The following WDPCP variants were observed in gnomAD, a reference collection of about 807,000 sequenced individuals.
WDPCP encodes the protein WD repeat containing planar cell polarity effector, also known as WD repeat-containing and planar cell polarity effector protein fritz homolog.
A neutral mutation model predicts 93.1 loss-of-function variants in WDPCP; 71 were observed. The ratio of observed to expected loss-of-function variants is 0.76; its 90% CI spans 0.63 to 0.93. The LOEUF is 0.93. WDPCP is among the 40% of genes least tolerant of loss of function. The pLI, the probability that WDPCP is intolerant of heterozygous loss-of-function variation, is 0.00. For missense variants in WDPCP, 844 were observed against 887.4 expected, an observed-to-expected ratio of 0.95 and a Z score of 0.62; for synonymous variants, 315 against 315.0, an observed-to-expected ratio of 1.00 and a Z score of 0.00.
At chr2:63,624,186 T>G (rs1021205921) in intron 3 of WDPCP, among the ~76,000 whole-genome samples, 1 of 152,190 alleles carries the variant, frequency 6.6e-6, no homozygotes, top group African/African-American at 2.4e-5. Context: ...GCTAAAGTAG[T>G]GTTTAAAGGG....
chr2:63,706,199 G>A (rs193258042), intron 2 of WDPCP, among the ~76,000 whole-genome samples: 49 of 152,208 alleles, frequency 3.2e-4, no homozygotes, highest in African/African-American at 8.7e-4. Flanking sequence ...GTCTCTGCAC[G>A]TGAGATGGGT....
intron 12 of WDPCP, among the ~76,000 whole-genome samples, chr2:63,344,218 A>G (rs957663374): frequency 6.6e-6 from 1 of 152,202 alleles, no homozygotes; most frequent in Admixed American, 6.5e-5. Flanking sequence ...TTCCCAAACT[A>G]ATCTTGCAAA....
intron 2 of WDPCP, among the ~76,000 whole-genome samples, chr2:63,694,404 C>G (rs1191838454): frequency 6.6e-6 from 1 of 152,086 alleles, no homozygotes; most frequent in Non-Finnish European, 1.5e-5. Context: ...TTTTCCCCTT[C>G]TTTCTCTCCT....
intron 3 of WDPCP, chr2:63,604,633 C>T: frequency 7.6e-7 from 1 of 1,320,542 alleles, no homozygotes; most frequent in Non-Finnish European, 1.1e-6. Flanking sequence ...TTTGTCAAAA[C>T]AGGTCCCAAT....
At chr2:63,771,814 TG>T (rs1670230789) in intron 2 of WDPCP, among the ~76,000 whole-genome samples, 1 of 152,094 alleles carries the variant, frequency 6.6e-6, no homozygotes. Flanking sequence ...TTTCTTTTCC[TG>T]TATTAATTCT....
chr2:63,620,649 T>A (rs868704614), intron 3 of WDPCP, among the ~76,000 whole-genome samples: 35 of 152,226 alleles, frequency 2.3e-4, no homozygotes, highest in African/African-American at 8.0e-4. Flanking sequence ...GCAGCAGATC[T>A]CCCAACACAG....
chr2:63,344,968 T>C (rs984593879), intron 12 of WDPCP, among the ~76,000 whole-genome samples: 1 of 152,228 alleles, frequency 6.6e-6, no homozygotes, highest in African/African-American at 2.4e-5. Context: ...TCTATCTTCA[T>C]TAAGCACTCA....
intron 12 of WDPCP, among the ~76,000 whole-genome samples, chr2:63,324,656 AAG>A (rs1306272419): frequency 1.3e-5 from 2 of 152,222 alleles, no homozygotes; most frequent in Non-Finnish European, 2.9e-5. Flanking sequence ...GCTGCAGCCC[AAG>A]AGTTTGGAGA....
At chr2:63,338,559 AAAAAAAAAAAATATATATAT>A (rs1688576720) in intron 12 of WDPCP, among the ~76,000 whole-genome samples, 2 of 61,758 alleles carry the variant, frequency 3.2e-5, no homozygotes, top group Admixed American at 1.9e-4. Context: ...TCTAAAAAAA[AAAAAAAAAAAATATATATAT>A]ATATATATAT....
chr2:63,365,009 C>T (rs1355497870), intron 12 of WDPCP, among the ~76,000 whole-genome samples: 1 of 152,296 alleles, frequency 6.6e-6, no homozygotes, highest in South Asian at 2.1e-4. Context: ...TCCAAAAGAA[C>T]TGTATTTACA....
chr2:63,425,226 AG>A (rs762786353), intron 9 of WDPCP, among the ~76,000 whole-genome samples: 7 of 152,204 alleles, frequency 4.6e-5, no homozygotes, highest in Non-Finnish European at 8.8e-5. Context: ...AAAAACAAAA[AG>A]CCCCATTCAA....
intron 3 of WDPCP, among the ~76,000 whole-genome samples, chr2:63,633,593 A>G (rs1461723986): frequency 6.6e-6 from 1 of 152,178 alleles, no homozygotes; most frequent in Non-Finnish European, 1.5e-5. Flanking sequence ...TATAGTAGAC[A>G]CACAAAAGAT....
chr2:63,705,513 G>A (rs1669134994), intron 2 of WDPCP, among the ~76,000 whole-genome samples: 1 of 152,028 alleles, frequency 6.6e-6, no homozygotes, highest in African/African-American at 2.4e-5. Context: ...GTTCTCATTG[G>A]TTTCAAAGAA....
At chr2:63,156,680 G>A (rs1344291044) in intron 15 of WDPCP, among the ~76,000 whole-genome samples, 3 of 152,202 alleles carry the variant, frequency 2.0e-5, no homozygotes, top group East Asian at 1.9e-4. Flanking sequence ...GGAGGTTGCA[G>A]TGAGCCGAGG....
At chr2:63,198,296 G>T (rs13427868) in intron 14 of WDPCP, among the ~76,000 whole-genome samples, 24,908 of 152,016 alleles carry the variant, frequency 0.16, 2,232 homozygotes, top group Middle Eastern at 0.23. Context: ...ATATACTCTG[G>T]AATTTTAATT....
At chr2:63,320,079 C>T (rs1157752234) in intron 12 of WDPCP, among the ~76,000 whole-genome samples, 1 of 151,860 alleles carries the variant, frequency 6.6e-6, no homozygotes, top group Non-Finnish European at 1.5e-5. Flanking sequence ...GCCTTACATG[C>T]TTATATTGAA....
chr2:63,623,619 CACA>C (rs1163259632), intron 3 of WDPCP, among the ~76,000 whole-genome samples: 1 of 151,888 alleles, frequency 6.6e-6, no homozygotes, highest in Non-Finnish European at 1.5e-5. Flanking sequence ...AAGGGATCAA[CACA>C]ACAAGAAGAG....
At chr2:63,516,440 G>A (rs1702554182) in intron 1 of WDPCP, among the ~76,000 whole-genome samples, 1 of 152,110 alleles carries the variant, frequency 6.6e-6, no homozygotes, top group Non-Finnish European at 1.5e-5. Context: ...TTTGCCTCAT[G>A]ATGGGGCTGC....
At chr2:63,466,005 T>C (rs1166107506) in intron 6 of WDPCP, among the ~76,000 whole-genome samples, 4 of 152,178 alleles carry the variant, frequency 2.6e-5, no homozygotes, top group African/African-American at 9.7e-5. Context: ...CCTCTGTGCC[T>C]AGTTTGGGAA....
Sources: allele counts gnomAD v4.1 joint callset (sites outside exome capture counted in the v4.1 genomes callset), GRCh38; gene constraint gnomAD v4.1.1; transcripts MANE v1.5; gene names NCBI Gene and HGNC (gene_info 2026-07-23, HGNC 2026-07-21).